Variants in PNPLA6 observed in about 807,000 individuals in gnomAD.
The protein encoded by PNPLA6 is patatin-like phospholipase domain-containing protein 6.
A neutral mutation model predicts 153.7 loss-of-function variants in PNPLA6; 105 were observed. That is an observed-to-expected ratio of 0.68 (90% CI 0.58 to 0.80). The LOEUF (loss-of-function observed/expected upper bound fraction) is 0.80. PNPLA6 is among the 30% of genes least tolerant of loss of function. PNPLA6 has a pLI of 0.00. For synonymous variants in PNPLA6, 825 were observed against 822.2 expected (o/e 1.00, Z -0.06); for missense variants, 1,423 against 1,919.3 (o/e 0.74, Z 4.83).
chr19:7,553,988 G>T lies in PNPLA6; in HGVS notation c.2374G>T (p.Glu792Ter). 6.2e-7 allele frequency: 1 copy of T among 1,613,616 alleles called. No individual in the cohort carries two copies. Among genetic ancestry groups the T allele is most frequent in the Non-Finnish European group, 8.5e-7 (1 of 1,179,756 alleles). Residue 792 changes from glutamate to a stop codon, truncating the protein, a stop_gained, in exon 19 of 32, where the codon GAG (glutamate) becomes TAG (stop). Transcript: ENST00000600737. LOFTEE classifies it high-confidence loss of function. ...AEVPMVAFTL[E>*]LQHALQAIGP... is the part of the protein sequence containing the mutation. ...GGTCCCCATGGTGGCCTTCACGCTG[G>T]AGCTGCAGCACGCCCTGCAGGCCAT...
Position 7,541,803 on chromosome 19 carries a change from C to G in PNPLA6, c.1168+119C>G. On this transcript the variant is annotated intron_variant, in intron 9 of 31. Transcript: ENST00000600737. This position sits in a 1 kb window ranked among gnomAD's most constrained non-coding sequence, Gnocchi z 5.2. Reference sequence around the variant, plus strand: ...GACCTTGTCCAGCCCCACAGGGACTCCATAGCGGGGTACCCAGGTCTGACT... The same window carrying G: ...GACCTTGTCCAGCCCCACAGGGACTGCATAGCGGGGTACCCAGGTCTGACT... 8.1e-7 allele frequency: 1 copy of G among 1,236,704 alleles called. No homozygotes were observed. Among genetic ancestry groups the G allele is most frequent in the South Asian group, 1.3e-5 (1 of 77,924 alleles). 76.6% of individuals were successfully genotyped at this position (1,236,704 alleles called of 1,614,324 possible). A position where few individuals can be genotyped will look rare whatever the true frequency, so the allele number is the denominator to read the frequency against.
chr19:7,541,826 A>C lies in PNPLA6; in HGVS notation c.1168+142A>C. 1 of 1,125,084 alleles carries C rather than the reference A, an allele frequency of 8.9e-7. No homozygotes were observed. Among genetic ancestry groups the C allele is most frequent in the East Asian group, 2.6e-5 (1 of 39,206 alleles). The allele number at this position is 1,125,084 out of a possible 1,614,324, so 69.7% of individuals were successfully genotyped here. A position where few individuals can be genotyped will look rare whatever the true frequency, so the allele number is the denominator to read the frequency against. ...CTCCATAGCGGGGTACCCAGGTCTGACTCCTATCTGGTACCGAGGAAGCTG... is the reference window on the plus strand; with the variant it reads ...CTCCATAGCGGGGTACCCAGGTCTGCCTCCTATCTGGTACCGAGGAAGCTG... On this transcript the variant is annotated intron_variant, in intron 9 of 31. Transcript: ENST00000600737. The surrounding 1 kb of genome is among the most constrained non-coding windows in gnomAD (Gnocchi z 5.2).
intron 29 of PNPLA6, 41 bp downstream of exon 29, chr19:7,560,805 A>G: frequency 1.5e-6 from 2 of 1,295,430 alleles, no homozygotes; most frequent in Non-Finnish European, 2.2e-6. Context: ...GACTCCACTG[A>G]TTACAGAACC....
chr19:7,543,776 C>T lies in PNPLA6; in HGVS notation c.1608+692C>T, dbSNP rs544278172. 4.3e-3 allele frequency among the ~76,000 whole-genome samples: 648 copies of T among 152,102 alleles called. 1 individual carries two copies. Among genetic ancestry groups the T allele is most frequent in the Non-Finnish European group, 5.2e-3 (351 of 68,004 alleles). ...GGAATGAGGTAATAAAGAAGAGATG[C>T]CTAGTTCGCAGAACCCCAGTAAGAC... is the stretch of plus-strand genomic sequence containing the variant. On this transcript the variant is annotated intron_variant, in intron 13 of 31. Coordinates refer to ENST00000600737, the MANE Select transcript of PNPLA6 (RefSeq NM_001166114.2).
chr19:7,535,544 T>A, upstream of PNPLA6: 1 of 1,602,498 alleles, frequency 6.2e-7, no homozygotes. This position sits in a 1 kb window ranked among gnomAD's most constrained non-coding sequence, Gnocchi z 5.0. Context: ...CCAGCTGGAA[T>A]CAACCGATGG....
rs1045775135 is a variant in PNPLA6, at chr19:7,550,437, T to C, written c.1946+8T>C. 3.1e-6 allele frequency: 5 copies of C among 1,611,238 alleles called. No individual in the cohort carries two copies. The African/African-American group carries it at 6.7e-5, about 22-fold the overall frequency. ...GGGACGCGCGCTGTACAGGTGCAGC[T>C]CCCACCGCGCTGCTCAGGCCCGGCC... On this transcript the variant is annotated splice_region_variant and intron_variant, in intron 15 of 31. Transcript: ENST00000600737.
chr19:7,553,982 A>G lies in PNPLA6; in HGVS notation c.2368A>G (p.Thr790Ala). The G allele has an allele frequency of 6.2e-7, 1 of 1,605,954 alleles. No homozygotes were observed. The change falls in exon 19 of 32, where the codon ACG (threonine) becomes GCG (alanine). Residue 790 changes from threonine to alanine, a missense_variant. Thr to Ala is a moderately conservative substitution (Grantham distance 58). Around this residue, in one of 10 missense-constraint regions of PNPLA6, gnomAD observed 643 missense variants for 835.2 expected, o/e 0.77. Coordinates refer to ENST00000600737, the MANE Select transcript of PNPLA6 (RefSeq NM_001166114.2). ...VCAEVPMVAF[T>A]LELQHALQAI... The stretch of plus-strand genomic sequence containing the variant: ...TGCTGAGGTCCCCATGGTGGCCTTC[A>G]CGCTGGAGCTGCAGCACGCCCTGCA...
chr19:7,542,939 G>A lies in PNPLA6; in HGVS notation c.1530+11G>A, dbSNP rs184998637. 232 of 1,613,784 alleles carry A rather than the reference G, an allele frequency of 1.4e-4. 2 individuals are homozygous for A. The African/African-American group carries it at 2.6e-3, about 18-fold the overall frequency. Reference sequence around the variant, plus strand: ...CTGATGCGGATTGAGGTGGGCAGCCGAGGGGAGCTGGGCACAGGGCGCAAG... The same window carrying A: ...CTGATGCGGATTGAGGTGGGCAGCCAAGGGGAGCTGGGCACAGGGCGCAAG... On this transcript the variant is annotated intron_variant, in intron 12 of 31. Coordinates refer to ENST00000600737, the MANE Select transcript of PNPLA6 (RefSeq NM_001166114.2).
In PNPLA6 at chr19:7,561,607, G is replaced by T. The variant is rs750948358; in HGVS notation, c.*45G>T. The T allele has an allele frequency of 6.1e-5, 84 of 1,387,020 alleles. No individual in the cohort carries two copies. In the African/African-American group the frequency reaches 1.1e-3, roughly 18 times the overall value. 85.9% of individuals were successfully genotyped at this position (1,387,020 alleles called of 1,614,324 possible). On this transcript the variant is annotated 3_prime_UTR_variant, in exon 32 of 32. Coordinates refer to ENST00000600737, the MANE Select transcript of PNPLA6 (RefSeq NM_001166114.2). ...CCCCTCCCTCCCACCCCTGGACTGGGCTGGGGGTGGCCCCGTGGGGGTAGC... is the reference window on the plus strand; with the variant it reads ...CCCCTCCCTCCCACCCCTGGACTGGTCTGGGGGTGGCCCCGTGGGGGTAGC...
rs1436723547 is a variant in PNPLA6 at position 7,554,878 on chromosome 19, G to A, written c.2635-15G>A. The A allele has an allele frequency of 6.3e-7, 1 of 1,578,862 alleles. No individual in the cohort carries two copies. Among genetic ancestry groups the A allele is most frequent in the South Asian group, 1.1e-5 (1 of 89,036 alleles). On this transcript the variant is annotated splice_polypyrimidine_tract_variant and intron_variant, in intron 21 of 31. Coordinates refer to ENST00000600737, the MANE Select transcript of PNPLA6 (RefSeq NM_001166114.2). ...GGTGGGGCGGCTGGTGACCTCAGCCGTCCGTATTCCGCAGCTGGAGCAGAT... is the reference window on the plus strand; with the variant it reads ...GGTGGGGCGGCTGGTGACCTCAGCCATCCGTATTCCGCAGCTGGAGCAGAT...
At position 7,554,098 on chromosome 19, in the gene PNPLA6, G is replaced by T. The variant is rs560428470; in HGVS notation, c.2401+83G>T. 1.2e-4 allele frequency: 194 copies of T among 1,592,238 alleles called. 3 individuals carry two copies. In the South Asian group the frequency reaches 2.1e-3, roughly 17 times the overall value. ...AGAGATGTTAGGGTAGGTCATTTGG[G>T]GGGTGGAGGGGAACAGGGCCACAGG... On this transcript the variant is annotated intron_variant, in intron 19 of 31. Coordinates refer to ENST00000600737, the MANE Select transcript of PNPLA6 (RefSeq NM_001166114.2).
chr19:7,549,215 C>G (rs1340163468), intron 13 of PNPLA6, among the ~76,000 whole-genome samples: 1 of 145,786 alleles, frequency 6.9e-6, no homozygotes, highest in Non-Finnish European at 1.5e-5. Context: ...GAGACGGAGT[C>G]TCGCTCTGTC....
At chr19:7,534,201 C>T (rs555494740), upstream of PNPLA6, 7 of 343,750 alleles carry the variant, frequency 2.0e-5, no homozygotes, top group South Asian at 1.3e-4. Flanking sequence ...GGAACGCTAG[C>T]GGTGTTGGCG....
At chr19:7,544,871 T>C (rs1444038345) in intron 13 of PNPLA6, among the ~76,000 whole-genome samples, 1 of 152,134 alleles carries the variant, frequency 6.6e-6, no homozygotes, top group African/African-American at 2.4e-5. Flanking sequence ...CTGTGGCTTC[T>C]TTGGGGGCCC....
Position 7,540,833 on chromosome 19 carries a change from A to G in PNPLA6, c.796-90A>G. 2 of 1,587,652 alleles carry G rather than the reference A, an allele frequency of 1.3e-6. No individual in the cohort carries two copies. The highest frequency in any genetic ancestry group is 2.2e-5 in the South Asian group (2 of 90,526). The stretch of plus-strand genomic sequence containing the variant: ...TCCGTTATGCTGCCGATGGCCCCTC[A>G]CGGGACTGGCGCCAGGAAGGATTAG... On this transcript the variant is annotated intron_variant, in intron 6 of 31. Coordinates refer to ENST00000600737, the MANE Select transcript of PNPLA6 (RefSeq NM_001166114.2). The surrounding 1 kb of genome is among the most constrained non-coding windows in gnomAD (Gnocchi z 6.8).
At chr19:7,534,364 C>A (rs777457449), upstream of PNPLA6, 2 of 176,612 alleles carry the variant, frequency 1.1e-5, no homozygotes, top group Admixed American at 1.1e-4. Context: ...TCCCATACCC[C>A]CCACGTCTCG....
At chr19:7,546,337 A>G (rs1392745552) in intron 13 of PNPLA6, among the ~76,000 whole-genome samples, 2 of 152,036 alleles carry the variant, frequency 1.3e-5, no homozygotes, top group Admixed American at 6.6e-5. Flanking sequence ...CATTTAAAGT[A>G]TATACTTTAG....
chr19:7,557,309 C>A, intron 27 of PNPLA6, 25 bp downstream of exon 27: 1 of 1,361,344 alleles, frequency 7.3e-7, no homozygotes, highest in Non-Finnish European at 1.0e-6. Flanking sequence ...GCACCACCCG[C>A]ACACGCAAGC....
chr19:7,547,806 T>TAAA (rs142269245), intron 13 of PNPLA6, among the ~76,000 whole-genome samples: 3 of 23,792 alleles, frequency 1.3e-4, no homozygotes, highest in Non-Finnish European at 2.5e-4. Context: ...CCTGGCTAAT[T>TAAA]AAAAATTTTT....
Sources: allele counts gnomAD v4.1 joint callset (sites outside exome capture counted in the v4.1 genomes callset), GRCh38; gene constraint gnomAD v4.1.1; regional missense constraint gnomAD v4.1.1; non-coding constraint Gnocchi (gnomAD v3.1); transcripts MANE v1.5; gene names NCBI Gene and HGNC (gene_info 2026-07-23, HGNC 2026-07-21).